KCNH5: variants seen among roughly 807,000 people sequenced by gnomAD.
KCNH5 encodes the protein potassium voltage-gated channel subfamily H member 5.
Under a neutral mutation model 96.1 loss-of-function variants are expected in KCNH5, and 46 were observed. That is an observed-to-expected ratio of 0.48 (90% CI 0.38 to 0.61). The LOEUF (loss-of-function observed/expected upper bound fraction) is 0.61, where lower values mean the gene tolerates loss of function less well. KCNH5 is among the 20% of genes least tolerant of loss of function. KCNH5 has a pLI of 0.00. For synonymous variants in KCNH5, 439 were observed against 449.8 expected (o/e 0.98, Z 0.30); for missense variants, 907 against 1,225.8 (o/e 0.74, Z 3.88).
chr14:63,008,303 A>C (rs1452240662), intron 2 of KCNH5, among the ~76,000 whole-genome samples: 1 of 152,140 alleles, frequency 6.6e-6, no homozygotes, highest in African/African-American at 2.4e-5. Context: ...CATCCACTCA[A>C]ATGAGGGCCC....
intron 4 of KCNH5, among the ~76,000 whole-genome samples, chr14:62,995,121 CATTT>C (rs1180222622): frequency 6.6e-6 from 1 of 152,034 alleles, no homozygotes; most frequent in East Asian, 1.9e-4. Context: ...AGAGTGAGTC[CATTT>C]ATTTAAGTCT....
intron 4 of KCNH5, among the ~76,000 whole-genome samples, chr14:62,989,247 C>A (rs1890766377): frequency 6.6e-6 from 1 of 151,980 alleles, no homozygotes; most frequent in South Asian, 2.1e-4. Flanking sequence ...AACCTGAAGG[C>A]CTCCAGGATA....
At position 62,924,510 on chromosome 14, in the gene KCNH5, A is replaced by T. The variant is rs1286614944; in HGVS notation, c.1369+25623T>A. On this transcript the variant is annotated intron_variant, in intron 7 of 10. Coordinates refer to ENST00000322893, the MANE Select transcript of KCNH5 (RefSeq NM_139318.5). Reference sequence around the variant, plus strand: ...CATGAAATCAGTATTTTGAAGAGGTAGTTGCACTCCTTTGTTCATTGCAGC... The same window carrying T: ...CATGAAATCAGTATTTTGAAGAGGTTGTTGCACTCCTTTGTTCATTGCAGC... Among the ~76,000 whole-genome samples the T allele has an allele frequency of 2.0e-5, 3 of 152,042 alleles. No individual in the cohort carries two copies. The East Asian group carries it at 5.8e-4, about 29-fold the overall frequency.
intron 7 of KCNH5, among the ~76,000 whole-genome samples, chr14:62,943,851 T>C (rs1245630583): frequency 1.3e-5 from 2 of 152,098 alleles, no homozygotes; most frequent in African/African-American, 2.4e-5. Flanking sequence ...GGTAGATGTA[T>C]ATAGAGAAGC....
chr14:62,768,506 C>T (rs1885914181), intron 10 of KCNH5, among the ~76,000 whole-genome samples: 1 of 152,100 alleles, frequency 6.6e-6, no homozygotes, highest in South Asian at 2.1e-4. Context: ...TAGCGTCCAG[C>T]TAAGATGCCT....
At chr14:62,786,341 T>C (rs1232447803) in intron 9 of KCNH5, among the ~76,000 whole-genome samples, 3 of 152,200 alleles carry the variant, frequency 2.0e-5, no homozygotes, top group Non-Finnish European at 4.4e-5. Flanking sequence ...GTGGCTCTAT[T>C]TGAAGATTTT....
At chr14:62,825,175 A>C (rs1346770917) in intron 8 of KCNH5, among the ~76,000 whole-genome samples, 1 of 152,106 alleles carries the variant, frequency 6.6e-6, no homozygotes, top group Non-Finnish European at 1.5e-5. Flanking sequence ...TCCTTTGAGA[A>C]ATCTCCAAAC....
At chr14:62,999,674 G>A (rs1020870981) in intron 4 of KCNH5, among the ~76,000 whole-genome samples, 3 of 137,978 alleles carry the variant, frequency 2.2e-5, no homozygotes, top group African/African-American at 8.2e-5. Context: ...GAGAACACAT[G>A]GACACAGGAA....
intron 7 of KCNH5, among the ~76,000 whole-genome samples, chr14:62,947,092 A>G (rs538423835): frequency 6.6e-6 from 1 of 152,328 alleles, no homozygotes; most frequent in East Asian, 1.9e-4. Flanking sequence ...TAGTTATATA[A>G]GATGTAATTA....
intron 1 of KCNH5, among the ~76,000 whole-genome samples, chr14:63,026,967 A>T (rs1297118624): frequency 6.6e-6 from 1 of 152,090 alleles, no homozygotes; most frequent in African/African-American, 2.4e-5. Context: ...GCCAATCAAC[A>T]GATGAATAAC....
chr14:62,703,417 A>AT lies in KCNH5; in HGVS notation c.*4090dup, dbSNP rs934453284. 1.8e-4 allele frequency: 27 copies of AT among 152,006 alleles called. No individual in the cohort carries two copies. Among genetic ancestry groups the AT allele is most frequent in the African/African-American group, 6.5e-4 (27 of 41,550 alleles). 9.4% of individuals were successfully genotyped at this position (152,006 alleles called of 1,614,324 possible). On this transcript the variant is annotated 3_prime_UTR_variant, in exon 11 of 11. Transcript: ENST00000322893. The stretch of plus-strand genomic sequence containing the variant: ...AAAAGTGATCACTTGTCATAATGTG[A>AT]TTTTCACCTGCAAGAAAGATAATTT...
chr14:62,819,745 T>C (rs1267325496), intron 8 of KCNH5, among the ~76,000 whole-genome samples: 1 of 152,220 alleles, frequency 6.6e-6, no homozygotes. Context: ...TAGTAGCAGT[T>C]ACATGGTATA....
rs1354176009 is a variant in KCNH5 at position 62,856,593 on chromosome 14, C to T, written c.1370-6741G>A. Among the ~76,000 whole-genome samples the T allele has an allele frequency of 4.6e-5, 7 of 152,286 alleles. No individual in the cohort carries two copies. The East Asian group carries it at 5.8e-4, about 13-fold the overall frequency. ...CTGTGTAGCACACAGCTTGTTAAAACATTTGAAATGGCTCCGGTTGGCCTT... is the reference window on the plus strand; with the variant it reads ...CTGTGTAGCACACAGCTTGTTAAAATATTTGAAATGGCTCCGGTTGGCCTT... On this transcript the variant is annotated intron_variant, in intron 7 of 10. Coordinates refer to ENST00000322893, the MANE Select transcript of KCNH5 (RefSeq NM_139318.5).
At position 62,806,729 on chromosome 14, in the gene KCNH5, T is replaced by C. The variant is rs1249152710; in HGVS notation, c.1570-4148A>G. ...GCAAGGATGCCTGACTGACATTGGG[T>C]TCGAGGCCCAACTTAGGAGGGTTAG... On this transcript the variant is annotated intron_variant, in intron 8 of 10. Transcript: ENST00000322893. Among the ~76,000 whole-genome samples, 3 of 152,102 alleles carry C rather than the reference T, an allele frequency of 2.0e-5. No individual in the cohort carries two copies. In the East Asian group the frequency reaches 5.8e-4, roughly 29 times the overall value.
intron 8 of KCNH5, among the ~76,000 whole-genome samples, chr14:62,825,546 C>T (rs1364501739): frequency 1.3e-5 from 2 of 152,028 alleles, no homozygotes; most frequent in Non-Finnish European, 2.9e-5. Context: ...AGTCACATCA[C>T]TTTTTCATAT....
At position 63,003,480 on chromosome 14, in the gene KCNH5, AT is replaced by A. The variant is rs1566536660; in HGVS notation, c.305-2022del. On this transcript the variant is annotated intron_variant, in intron 3 of 10. Transcript: ENST00000322893. ...TATATATTTTATATATATTATATAT[AT>A]TTTATATATATTATATATATATTTT... Among the ~76,000 whole-genome samples the A allele has an allele frequency of 5.2e-3, 674 of 128,440 alleles. 11 individuals are homozygous for A. Among genetic ancestry groups the A allele is most frequent in the African/African-American group, 0.02 (632 of 32,402 alleles). The allele number at this position is 128,440 out of a possible 152,430, so 84.3% of individuals were successfully genotyped here.
chr14:62,822,073 T>C (rs1211264928), intron 8 of KCNH5, among the ~76,000 whole-genome samples: 1 of 152,114 alleles, frequency 6.6e-6, no homozygotes, highest in Non-Finnish European at 1.5e-5. Context: ...TAATAAAATA[T>C]GGACAAGAGC....
chr14:62,969,860 G>A (rs544264022), intron 6 of KCNH5, among the ~76,000 whole-genome samples: 2 of 139,292 alleles, frequency 1.4e-5, no homozygotes, highest in South Asian at 2.2e-4. Context: ...TCAGGAACTC[G>A]AGACCACCCT....
At chr14:62,829,232 G>A (rs747862798) in intron 8 of KCNH5, among the ~76,000 whole-genome samples, 3 of 152,102 alleles carry the variant, frequency 2.0e-5, no homozygotes, top group Non-Finnish European at 4.4e-5. Context: ...GGGGCACAGT[G>A]CAAGCTCTCC....
Sources: gnomAD v4.1 joint callset for allele counts (sites outside exome capture counted in the v4.1 genomes callset) on GRCh38, gnomAD v4.1.1 for gene constraint, MANE v1.5 for transcripts, NCBI Gene and HGNC (gene_info 2026-07-23, HGNC 2026-07-21) for gene names.